The following RGS7 variants were observed in gnomAD, a reference collection of about 807,000 sequenced individuals.
RGS7 encodes the protein regulator of G-protein signaling 7.
RGS7 carries 27 observed loss-of-function variants against 81.1 expected under a neutral mutation model. The ratio of observed to expected loss-of-function variants is 0.33; its 90% CI spans 0.25 to 0.46. The LOEUF (loss-of-function observed/expected upper bound fraction) is 0.46, where lower values mean the gene tolerates loss of function less well. Ranked by LOEUF, RGS7 falls within the 20% of genes least tolerant of loss-of-function variation. The probability of loss-of-function intolerance (pLI) is 1.00; values close to 1 mark genes in which losing one functional copy is unlikely to be tolerated. For missense variants in RGS7, 396 were observed against 607.4 expected (o/e 0.65, Z 3.66); for synonymous variants, 208 against 207.7 (o/e 1.00, Z -0.01).
At chr1:241,319,288 TC>T (rs1259613278) in intron 2 of RGS7, among the ~76,000 whole-genome samples, 3 of 152,170 alleles carry the variant, frequency 2.0e-5, no homozygotes, top group African/African-American at 7.2e-5. Flanking sequence ...TGACTGATTT[TC>T]CCATGTTATA....
At chr1:240,805,513 G>A (rs928899104) in intron 15 of RGS7, among the ~76,000 whole-genome samples, 5 of 152,194 alleles carry the variant, frequency 3.3e-5, no homozygotes, top group Non-Finnish European at 7.4e-5. Flanking sequence ...AGGGAATTAA[G>A]ATCCAGTTTG....
At chr1:241,309,000 G>A (rs1033920360) in intron 2 of RGS7, among the ~76,000 whole-genome samples, 5 of 152,208 alleles carry the variant, frequency 3.3e-5, no homozygotes, top group African/African-American at 1.2e-4. Context: ...ATGGCCAAAA[G>A]AGGAACACAC....
At chr1:240,796,515 A>G (rs1572126975) in intron 18 of RGS7, among the ~76,000 whole-genome samples, 1 of 152,094 alleles carries the variant, frequency 6.6e-6, no homozygotes, top group Non-Finnish European at 1.5e-5. Context: ...GTGAAACCCC[A>G]TCTCTACTAA....
chr1:240,856,818 T>G (rs970369655), intron 9 of RGS7, among the ~76,000 whole-genome samples: 1 of 152,216 alleles, frequency 6.6e-6, no homozygotes, highest in Non-Finnish European at 1.5e-5. Flanking sequence ...GAAAAATATT[T>G]CTCTTATGAT....
intron 9 of RGS7, among the ~76,000 whole-genome samples, chr1:240,835,667 C>T (rs941557112): frequency 1.3e-5 from 2 of 152,058 alleles, no homozygotes; most frequent in African/African-American, 2.4e-5. Context: ...TCATAATTGC[C>T]GAAACTTCAA....
intron 9 of RGS7, among the ~76,000 whole-genome samples, chr1:240,840,248 C>A (rs1297704745): frequency 6.6e-6 from 1 of 152,066 alleles, no homozygotes; most frequent in Non-Finnish European, 1.5e-5. Context: ...AACACCTTGC[C>A]ATGCTCTACG....
chr1:241,242,751 CAT>C (rs1026140589), intron 2 of RGS7, among the ~76,000 whole-genome samples: 53 of 152,244 alleles, frequency 3.5e-4, no homozygotes, highest in African/African-American at 1.2e-3. Flanking sequence ...GGATTTTTTT[CAT>C]ATGTTTCTTG....
chr1:241,302,809 C>T (rs187697501), intron 2 of RGS7, among the ~76,000 whole-genome samples: 243 of 152,244 alleles, frequency 1.6e-3, no homozygotes, highest in African/African-American at 5.6e-3. Flanking sequence ...AATCTTCTGA[C>T]GTCATGTCTT....
chr1:241,269,424 G>A (rs944967870), intron 2 of RGS7, among the ~76,000 whole-genome samples: 2 of 152,196 alleles, frequency 1.3e-5, no homozygotes, highest in Non-Finnish European at 2.9e-5. Flanking sequence ...GGGCCCTCGA[G>A]CAAGGCCTCC....
intron 10 of RGS7, chr1:240,823,004 T>G (rs544811216): frequency 1.9e-6 from 1 of 518,102 alleles, no homozygotes; most frequent in South Asian, 2.3e-5. Flanking sequence ...TTTAGAAACC[T>G]GGAAGAAATT....
intron 2 of RGS7, among the ~76,000 whole-genome samples, chr1:241,258,150 A>G (rs1260637783): frequency 1.3e-5 from 2 of 152,092 alleles, no homozygotes; most frequent in African/African-American, 2.4e-5. Context: ...ATTTCATCAC[A>G]TTCATTTAGA....
intron 2 of RGS7, among the ~76,000 whole-genome samples, chr1:241,129,709 A>G (rs748751731): frequency 5.9e-5 from 9 of 152,154 alleles, no homozygotes; most frequent in Non-Finnish European, 1.0e-4. Context: ...ATTAAACGAG[A>G]TTTCTGGGTG....
At chr1:241,289,844 C>T (rs1170724235) in intron 2 of RGS7, among the ~76,000 whole-genome samples, 1 of 152,000 alleles carries the variant, frequency 6.6e-6, no homozygotes, top group African/African-American at 2.4e-5. Context: ...CTGCTGCTAC[C>T]TGAGTGAGAA....
intron 2 of RGS7, among the ~76,000 whole-genome samples, chr1:241,128,047 G>A (rs1020270448): frequency 6.6e-5 from 10 of 152,118 alleles, no homozygotes; most frequent in Non-Finnish European, 1.2e-4. Context: ...GGGAGGCTGA[G>A]GTGGGTGGAT....
chr1:241,234,207 C>A (rs2075808018), intron 2 of RGS7, among the ~76,000 whole-genome samples: 1 of 152,218 alleles, frequency 6.6e-6, no homozygotes, highest in Non-Finnish European at 1.5e-5. Context: ...TTTTAACTAA[C>A]TACTTACATG....
intron 2 of RGS7, among the ~76,000 whole-genome samples, chr1:241,117,986 C>T (rs2065986487): frequency 6.6e-6 from 1 of 152,164 alleles, no homozygotes; most frequent in South Asian, 2.1e-4. Context: ...AAACATTTTT[C>T]ATCATGACCC....
At chr1:241,302,271 CG>C (rs2079810656) in intron 2 of RGS7, among the ~76,000 whole-genome samples, 1 of 152,116 alleles carries the variant, frequency 6.6e-6, no homozygotes, top group Admixed American at 6.6e-5. Flanking sequence ...TTCGGCCGGC[CG>C]GGCGCGGTGG....
At chr1:241,255,218 G>T (rs1255914811) in intron 2 of RGS7, among the ~76,000 whole-genome samples, 2 of 152,166 alleles carry the variant, frequency 1.3e-5, no homozygotes, top group Non-Finnish European at 2.9e-5. Context: ...TTCTGAATCA[G>T]CTGAGTCCTA....
chr1:241,002,411 C>A (rs963879057), intron 3 of RGS7, among the ~76,000 whole-genome samples: 4 of 150,892 alleles, frequency 2.7e-5, no homozygotes, highest in Admixed American at 1.3e-4. Context: ...CAAGATCGAG[C>A]CTTTGCACTC....
Sources: allele counts gnomAD v4.1 joint callset (sites outside exome capture counted in the v4.1 genomes callset), GRCh38; gene constraint gnomAD v4.1.1; transcripts MANE v1.5; gene names NCBI Gene and HGNC (gene_info 2026-07-23, HGNC 2026-07-21).